The following SP4 variants were observed in gnomAD, a reference collection of about 807,000 sequenced individuals.
The protein encoded by SP4 is transcription factor Sp4.
Under a neutral mutation model 72.8 loss-of-function variants are expected in SP4, and 19 were observed. That is an observed-to-expected ratio of 0.26 (90% CI 0.18 to 0.38). SP4 has a LOEUF of 0.38. SP4 is among the 10% of genes least tolerant of loss of function. The pLI, the probability that SP4 is intolerant of heterozygous loss-of-function variation, is 1.00. For missense variants in SP4, 1,008 were observed against 926.3 expected (o/e 1.09, Z -1.14); for synonymous variants, 395 against 333.1 (o/e 1.19, Z -2.02).
intron 3 of SP4, among the ~76,000 whole-genome samples, chr7:21,454,179 A>C (rs1168128339): frequency 2.0e-5 from 3 of 151,352 alleles, no homozygotes; most frequent in Non-Finnish European, 4.4e-5. Context: ...ATAAGGTCTG[A>C]CTCTTTCCAG....
At chr7:21,503,336 A>G (rs569645942) in intron 5 of SP4, among the ~76,000 whole-genome samples, 1 of 152,312 alleles carries the variant, frequency 6.6e-6, no homozygotes, top group African/African-American at 2.4e-5. Context: ...TAGAGGGGCA[A>G]TCCCAAGTCT....
intron 3 of SP4, among the ~76,000 whole-genome samples, chr7:21,452,481 C>T (rs868077432): frequency 2.0e-5 from 3 of 152,136 alleles, no homozygotes; most frequent in East Asian, 1.9e-4. Context: ...TGCCACAGGT[C>T]GGGAATCCTG....
chr7:21,454,349 TACTA>T (rs1021042725), intron 3 of SP4, among the ~76,000 whole-genome samples: 4 of 102,100 alleles, frequency 3.9e-5, no homozygotes, highest in African/African-American at 8.3e-5. Flanking sequence ...AATTCCCTTT[TACTA>T]ACTTTTTTTT....
At chr7:21,467,256 C>T (rs1784194750) in intron 3 of SP4, among the ~76,000 whole-genome samples, 1 of 151,922 alleles carries the variant, frequency 6.6e-6, no homozygotes, top group Non-Finnish European at 1.5e-5. Flanking sequence ...GCAAAATTAC[C>T]TTCATTTGGG....
chr7:21,484,160 C>T (rs890305042), intron 5 of SP4, among the ~76,000 whole-genome samples: 1 of 151,912 alleles, frequency 6.6e-6, no homozygotes, highest in African/African-American at 2.4e-5. Flanking sequence ...AGTAGTAATA[C>T]AAATGAGTAC....
At chr7:21,502,110 C>T (rs937113881) in intron 5 of SP4, among the ~76,000 whole-genome samples, 5 of 140,786 alleles carry the variant, frequency 3.6e-5, no homozygotes, top group South Asian at 2.5e-4. Context: ...CAAATCTCTC[C>T]GGTTTTGGTA....
intron 5 of SP4, among the ~76,000 whole-genome samples, chr7:21,484,393 A>G (rs1045374033): frequency 7.9e-5 from 12 of 151,972 alleles, no homozygotes; most frequent in Admixed American, 7.9e-4. Flanking sequence ...TACTTGTGGG[A>G]TCGTGTCAAC....
At chr7:21,445,733 G>A (rs1326408718) in intron 3 of SP4, among the ~76,000 whole-genome samples, 3 of 152,144 alleles carry the variant, frequency 2.0e-5, no homozygotes, top group African/African-American at 4.8e-5. Context: ...CCCAGAGTTT[G>A]TGTGGCTTCA....
chr7:21,436,775 A>G lies in SP4; in HGVS notation c.1678+5932A>G, dbSNP rs148694187. ...AAACCTGTTGAACCACAAATTGCTT[A>G]TTTAAGTGTGTGGTGAGATGAGGGC... On this transcript the variant is annotated intron_variant, in intron 3 of 5. Transcript: ENST00000222584. 2.4e-4 allele frequency among the ~76,000 whole-genome samples: 36 copies of G among 152,344 alleles called. 1 individual carries two copies. The highest frequency in any genetic ancestry group is 1.4e-3 in the East Asian group (7 of 5,184).
chr7:21,428,202 C>CCCCCCCCCT lies in SP4; in HGVS notation c.-49_-48insCCCCCCCTC. On this transcript the variant is annotated 5_prime_UTR_variant, in exon 1 of 6. Coordinates refer to ENST00000222584, the MANE Select transcript of SP4 (RefSeq NM_003112.5). ...CCTCCCGCCTCGCCCCCACCCCCAC[C>CCCCCCCCCT]CACCTCTATCCCAGTGTCTCCGTCT... 1 of 1,206,792 alleles carries CCCCCCCCCT rather than the reference C, an allele frequency of 8.3e-7. No individual in the cohort carries two copies. Among genetic ancestry groups the CCCCCCCCCT allele is most frequent in the Non-Finnish European group, 1.2e-6 (1 of 846,186 alleles). 74.8% of individuals were successfully genotyped at this position (1,206,792 alleles called of 1,614,324 possible).
intron 5 of SP4, among the ~76,000 whole-genome samples, chr7:21,510,768 C>G (rs1238013617): frequency 1.3e-5 from 2 of 152,178 alleles, no homozygotes; most frequent in African/African-American, 4.8e-5. Flanking sequence ...GTTCCAGTGG[C>G]TATTTACTTG....
chr7:21,482,151 T>A, intron 5 of SP4, 28 bp downstream of exon 5: 1 of 1,555,752 alleles, frequency 6.4e-7, no homozygotes, highest in Admixed American at 1.8e-5. Flanking sequence ...CTTGTACTTT[T>A]TACTTATTTC....
intron 3 of SP4, among the ~76,000 whole-genome samples, chr7:21,445,779 G>A (rs2390536): frequency 0.25 from 38,569 of 151,934 alleles, 6,186 homozygotes; most frequent in Non-Finnish European, 0.36. Flanking sequence ...AATCCTTGAG[G>A]CCAAGGAAAT....
At chr7:21,464,613 C>CT (rs1784111454) in intron 3 of SP4, among the ~76,000 whole-genome samples, 5 of 145,310 alleles carry the variant, frequency 3.4e-5, no homozygotes, top group African/African-American at 1.3e-4. Context: ...TGGGGTCTTA[C>CT]TGTGTTGCCC....
Position 21,498,655 on chromosome 7 carries a change from G to C in SP4, c.2108-12367G>C, listed in dbSNP as rs577524469. Among the ~76,000 whole-genome samples, 10 of 152,236 alleles carry C rather than the reference G, an allele frequency of 6.6e-5. No individual in the cohort carries two copies. In the South Asian group the frequency reaches 8.3e-4, roughly 13 times the overall value. The stretch of plus-strand genomic sequence containing the variant: ...AACCCTCAAGCATTTGAAAATTTGC[G>C]TGTAACTTTTGACTCCCCTAAAACT... On this transcript the variant is annotated intron_variant, in intron 5 of 5. Coordinates refer to ENST00000222584, the MANE Select transcript of SP4 (RefSeq NM_003112.5).
chr7:21,460,203 C>G (rs1361580494), intron 3 of SP4, among the ~76,000 whole-genome samples: 8 of 152,138 alleles, frequency 5.3e-5, no homozygotes, highest in Non-Finnish European at 1.0e-4. Context: ...AAGCCACGGA[C>G]CCTTGCGGTG....
At chr7:21,432,037 C>A (rs1302815933) in intron 3 of SP4, among the ~76,000 whole-genome samples, 1 of 152,186 alleles carries the variant, frequency 6.6e-6, no homozygotes, top group Non-Finnish European at 1.5e-5. Flanking sequence ...CCAGCGCTAT[C>A]CAGCAGAACT....
At position 21,430,973 on chromosome 7, in the gene SP4, C is replaced by CTTT; in HGVS notation, c.1678+130_1678+131insTTT. Reference sequence around the variant, plus strand: ...CACAATCATAAGGAACCAGAAATAGCAATATTATACTAACAAACATAGCTC... The same window carrying CTTT: ...CACAATCATAAGGAACCAGAAATAGCTTTAATATTATACTAACAAACATAGCTC... On this transcript the variant is annotated intron_variant, in intron 3 of 5. Transcript: ENST00000222584. 4 of 638,844 alleles carry CTTT rather than the reference C, an allele frequency of 6.3e-6. 1 individual carries two copies. In the South Asian group the frequency reaches 8.0e-5, roughly 13 times the overall value. The allele number at this position is 638,844 out of a possible 1,614,324, so 39.6% of individuals were successfully genotyped here. A position where few individuals can be genotyped will look rare whatever the true frequency, so the allele number is the denominator to read the frequency against.
intron 5 of SP4, among the ~76,000 whole-genome samples, chr7:21,496,080 T>G (rs748845811): frequency 8.1e-4 from 124 of 152,168 alleles, no homozygotes; most frequent in Admixed American, 1.1e-3. Flanking sequence ...TTGTGTTTTC[T>G]AGGGCATAAG....
Sources: allele counts gnomAD v4.1 joint callset (sites outside exome capture counted in the v4.1 genomes callset), GRCh38; gene constraint gnomAD v4.1.1; transcripts MANE v1.5; gene names NCBI Gene and HGNC (gene_info 2026-07-23, HGNC 2026-07-21).